The following HOGA1 variants were observed in gnomAD, a reference collection of about 807,000 sequenced individuals.
HOGA1 encodes 4-hydroxy-2-oxoglutarate aldolase, mitochondrial.
Under a neutral mutation model 34.3 loss-of-function variants are expected in HOGA1, and 30 were observed. That is an observed-to-expected ratio of 0.87 (90% CI 0.65 to 1.19). HOGA1 has a LOEUF of 1.19. Ranked by LOEUF, HOGA1 falls within the 50% of genes most tolerant of loss-of-function variation. The pLI, the probability that HOGA1 is intolerant of heterozygous loss-of-function variation, is 0.00. For synonymous variants in HOGA1, 161 were observed against 174.0 expected, an observed-to-expected ratio of 0.93 and a Z score of 0.59; for missense variants, 417 against 436.5, an observed-to-expected ratio of 0.96 and a Z score of 0.40.
chr10:97,599,118 A>C lies in HOGA1; in HGVS notation c.370A>C (p.Ser124Arg). 1 of 1,613,710 alleles carries C rather than the reference A, an allele frequency of 6.2e-7. No homozygotes were observed. The highest frequency in any genetic ancestry group is 1.1e-5 in the South Asian group (1 of 91,082). The change falls in exon 3 of 7, where the codon AGC becomes CGC. Residue 124 changes from serine to arginine, a missense_variant. Coordinates refer to ENST00000370646, the MANE Select transcript of HOGA1 (RefSeq NM_138413.4). ...TCAAGCCACAGTGGAGATGACCGTC[A>C]GCATGGCCCAGGTCGGGGCTGACGC... ...STQATVEMTV[S>R]MAQVGADAAM...
intron 1 of HOGA1, among the ~76,000 whole-genome samples, chr10:97,587,912 G>A (rs1453131128): frequency 6.6e-6 from 1 of 151,196 alleles, no homozygotes; most frequent in African/African-American, 2.4e-5. Flanking sequence ...TGGGACTAAA[G>A]CAATCTGCCC....
intron 1 of HOGA1, chr10:97,589,770 G>A: frequency 1.4e-6 from 1 of 722,768 alleles, no homozygotes; most frequent in Non-Finnish European, 2.4e-6. Context: ...TACCACCAGA[G>A]ATCACCCAGC....
chr10:97,600,233 A>T, intron 5 of HOGA1, 70 bp downstream of exon 5: 2 of 1,259,732 alleles, frequency 1.6e-6, no homozygotes, highest in Non-Finnish European at 2.3e-6. Flanking sequence ...GTCTTCCGGG[A>T]GAGATCGTGA....
rs751742777 is a variant in HOGA1, at chr10:97,590,406, C to G, written c.211+5492C>G. On this transcript the variant is annotated intron_variant, in intron 1 of 6. Coordinates refer to ENST00000370646, the MANE Select transcript of HOGA1 (RefSeq NM_138413.4). ...GACATCAACCAGGAGGAGCTGAGGG[C>G]CCTCGAGGAGGTAGAGATGAAGCTG... 4 of 1,613,964 alleles carry G rather than the reference C, an allele frequency of 2.5e-6. No individual in the cohort carries two copies. In the East Asian group the frequency reaches 8.9e-5, roughly 36 times the overall value.
chr10:97,592,352 T>C (rs12763234), intron 1 of HOGA1, among the ~76,000 whole-genome samples: 4,039 of 151,138 alleles, frequency 0.027, 72 homozygotes, highest in Non-Finnish European at 0.04. Flanking sequence ...GCCATTCTCC[T>C]GCCTCAGTCT....
In HOGA1 at chr10:97,612,750, TTTA is replaced by T. The variant is rs1208411140; in HGVS notation, c.*1098_*1100del. 6.6e-6 allele frequency: 1 copy of T among 152,228 alleles called. No individual in the cohort carries two copies. The highest frequency in any genetic ancestry group is 2.4e-5 in the African/African-American group (1 of 41,456). The allele number at this position is 152,228 out of a possible 1,614,324, so 9.4% of individuals were successfully genotyped here. ...TCCACTTGCCTACAGGCACTCTGCTTTTATTATTAAAAATAGTCACTTTGTTAC... is the reference window on the plus strand; with the variant it reads ...TCCACTTGCCTACAGGCACTCTGCTTTTATTAAAAATAGTCACTTTGTTAC... On this transcript the variant is annotated 3_prime_UTR_variant, in exon 7 of 7. Coordinates refer to ENST00000370646, the MANE Select transcript of HOGA1 (RefSeq NM_138413.4).
intron 1 of HOGA1, among the ~76,000 whole-genome samples, chr10:97,595,194 G>C (rs959140941): frequency 2.0e-5 from 3 of 152,176 alleles, no homozygotes; most frequent in African/African-American, 7.2e-5. Context: ...CTTACAGCTG[G>C]AGGGGGCCTT....
At chr10:97,600,400 G>T in intron 5 of HOGA1, 1 of 582,908 alleles carries the variant, frequency 1.7e-6, no homozygotes, top group Non-Finnish European at 3.1e-6. Flanking sequence ...GCCTGTAGTA[G>T]GGATGCCTGC....
intron 6 of HOGA1, among the ~76,000 whole-genome samples, chr10:97,605,789 T>G (rs2041152672): frequency 6.6e-6 from 1 of 152,238 alleles, no homozygotes; most frequent in African/African-American, 2.4e-5. Context: ...ATTGTTCTTT[T>G]GACTGTTGAA....
intron 1 of HOGA1, chr10:97,589,667 T>G: frequency 8.9e-5 from 35 of 391,916 alleles, no homozygotes; most frequent in East Asian, 1.5e-4. Context: ...ATGGGGTTCA[T>G]TGTTGAGGTG....
chr10:97,601,723 C>T lies in HOGA1; in HGVS notation c.701-134C>T, dbSNP rs1367453410. On this transcript the variant is annotated intron_variant, in intron 5 of 6. Transcript: ENST00000370646. ...GTATACTCTGGACTCACAGAGCATG[C>T]CTTTGATGTAGCCAGCCAAGTGACA... The T allele has an allele frequency of 2.7e-5, 27 of 1,004,956 alleles. No homozygotes were observed. The South Asian group carries it at 3.2e-4, about 12-fold the overall frequency. 62.3% of individuals were successfully genotyped at this position (1,004,956 alleles called of 1,614,324 possible).
chr10:97,602,093 C>CA (rs752708047), intron 6 of HOGA1, 103 bp downstream of exon 6: 3 of 1,550,892 alleles, frequency 1.9e-6, no homozygotes, highest in Non-Finnish European at 2.6e-6. Context: ...TCAGTCTCTT[C>CA]CTTTCAGAAA....
Position 97,597,173 on chromosome 10 carries a change from A to G in HOGA1, c.212-1602A>G, listed in dbSNP as rs2041077985. On this transcript the variant is annotated intron_variant, in intron 1 of 6. Coordinates refer to ENST00000370646, the MANE Select transcript of HOGA1 (RefSeq NM_138413.4). ...CAGGCTGGAGTGCAGTGGCACAATC[A>G]TAGTTCACTGCAGCTTCAAATGCAC... 2.0e-5 allele frequency among the ~76,000 whole-genome samples: 3 copies of G among 150,490 alleles called. No individual in the cohort carries two copies. The South Asian group carries it at 6.3e-4, about 32-fold the overall frequency.
chr10:97,586,495 C>T (rs1317546341), intron 1 of HOGA1, among the ~76,000 whole-genome samples: 1 of 152,220 alleles, frequency 6.6e-6, no homozygotes, highest in Non-Finnish European at 1.5e-5. Flanking sequence ...TTGAGCAGGG[C>T]ACAACTGTTA....
At chr10:97,586,568 G>A (rs1412868386) in intron 1 of HOGA1, among the ~76,000 whole-genome samples, 1 of 152,218 alleles carries the variant, frequency 6.6e-6, no homozygotes, top group Non-Finnish European at 1.5e-5. Context: ...TTCTCTTGAA[G>A]TGAGAAGCAT....
rs936065972 is a variant in HOGA1 at position 97,600,587 on chromosome 10, C to T, written c.700+424C>T. On this transcript the variant is annotated intron_variant, in intron 5 of 6. Transcript: ENST00000370646. The stretch of plus-strand genomic sequence containing the variant: ...AATTGTCAGATCTACAGAGTTGAGC[C>T]AGGGATCTTCAGTTGCCTGATCAGA... 49 of 267,384 alleles carry T rather than the reference C, an allele frequency of 1.8e-4. 1 individual carries two copies. Among genetic ancestry groups the T allele is most frequent in the African/African-American group, 1.0e-3 (46 of 45,448 alleles). 16.6% of individuals were successfully genotyped at this position (267,384 alleles called of 1,614,324 possible).
In HOGA1 at chr10:97,606,069, G is replaced by A. The variant is rs1179965527; in HGVS notation, c.834+4079G>A. Among the ~76,000 whole-genome samples, 5 of 149,678 alleles carry A rather than the reference G, an allele frequency of 3.3e-5. No homozygotes were observed. The East Asian group carries it at 9.8e-4, about 29-fold the overall frequency. On this transcript the variant is annotated intron_variant, in intron 6 of 6. Coordinates refer to ENST00000370646, the MANE Select transcript of HOGA1 (RefSeq NM_138413.4). ...GGAGGCCGAGGTGGGTGGATCACGA[G>A]GTCAGGAGTTCAAGACCTGCCTGGT...
rs2041198717 is a variant in HOGA1 at position 97,611,825 on chromosome 10, A to G, written c.*166A>G. On this transcript the variant is annotated 3_prime_UTR_variant, in exon 7 of 7. Coordinates refer to ENST00000370646, the MANE Select transcript of HOGA1 (RefSeq NM_138413.4). ...CAGGCAGCCTTTCACAGGCACGCCC[A>G]TGCATATCTCCTATTCTAACGGCCC... 2.8e-6 allele frequency: 2 copies of G among 717,248 alleles called. No homozygotes were observed. Among genetic ancestry groups the G allele is most frequent in the Admixed American group, 4.9e-5 (2 of 40,732 alleles). The allele number at this position is 717,248 out of a possible 1,614,324, so 44.4% of individuals were successfully genotyped here.
chr10:97,590,385 T>C, intron 1 of HOGA1: 1 of 1,614,048 alleles, frequency 6.2e-7, no homozygotes, highest in Middle Eastern at 1.7e-4. Flanking sequence ...TCCAAGGACA[T>C]CAACCAGGAG....
Sources: gnomAD v4.1 joint callset for allele counts (sites outside exome capture counted in the v4.1 genomes callset) on GRCh38, gnomAD v4.1.1 for gene constraint, MANE v1.5 for transcripts, NCBI Gene and HGNC (gene_info 2026-07-23, HGNC 2026-07-21) for gene names.